Variants in CDK14 observed in about 807,000 individuals in gnomAD.
The protein encoded by CDK14 is cyclin-dependent kinase 14.
CDK14 carries 34 observed loss-of-function variants against 60.7 expected under a neutral mutation model. The observed-to-expected ratio is 0.56, with a 90% confidence interval of 0.43 to 0.75. CDK14 has a LOEUF of 0.75. Among genes scored for constraint, CDK14 ranks in the 30% least tolerant of loss-of-function variants. The probability of loss-of-function intolerance (pLI) is 0.00; values close to 1 mark genes in which losing one functional copy is unlikely to be tolerated. For missense variants in CDK14, 482 were observed against 564.1 expected (o/e 0.85, Z 1.47); for synonymous variants, 197 against 203.7 (o/e 0.97, Z 0.28).
At chr7:90,931,931 G>A (rs551976030) in intron 8 of CDK14, among the ~76,000 whole-genome samples, 2 of 150,758 alleles carry the variant, frequency 1.3e-5, no homozygotes, top group Non-Finnish European at 3.0e-5. Context: ...ACATGAATAC[G>A]TTTTTTTTTC....
chr7:91,210,317 T>G lies in CDK14; in HGVS notation c.*3181T>G, dbSNP rs1283527646. Reference sequence around the variant, plus strand: ...ACATTCTCTAGTTGGGAGTGGATTTTTAAAGTTTTCCTTTTATCTTTTATT... The same window carrying G: ...ACATTCTCTAGTTGGGAGTGGATTTGTAAAGTTTTCCTTTTATCTTTTATT... On this transcript the variant is annotated 3_prime_UTR_variant, in exon 15 of 15. Coordinates refer to ENST00000380050, the MANE Select transcript of CDK14 (RefSeq NM_001287135.2). The G allele has an allele frequency of 7.4e-6, 1 of 134,858 alleles. No homozygotes were observed. The highest frequency in any genetic ancestry group is 2.9e-5 in the African/African-American group (1 of 34,220). 8.4% of individuals were successfully genotyped at this position (134,858 alleles called of 1,614,324 possible). A position where few individuals can be genotyped will look rare whatever the true frequency, so the allele number is the denominator to read the frequency against.
intron 10 of CDK14, among the ~76,000 whole-genome samples, chr7:91,004,430 G>A (rs1463433857): frequency 1.3e-5 from 2 of 152,212 alleles, no homozygotes; most frequent in African/African-American, 2.4e-5. Context: ...ATTTGAGGAG[G>A]TACAAGTAAC....
chr7:90,608,100 G>C (rs17862243), intron 2 of CDK14, among the ~76,000 whole-genome samples: 3,969 of 152,162 alleles, frequency 0.026, 102 homozygotes, highest in Non-Finnish European at 0.036. Flanking sequence ...TGAGAGTTTT[G>C]GGTAAAGCAT....
chr7:91,046,542 G>A (rs937749290), intron 11 of CDK14, among the ~76,000 whole-genome samples: 1 of 151,982 alleles, frequency 6.6e-6, no homozygotes, highest in Non-Finnish European at 1.5e-5. Context: ...GTAGGTGTCA[G>A]GCGTGAAACT....
At chr7:90,854,215 A>G (rs1009897022) in intron 5 of CDK14, among the ~76,000 whole-genome samples, 2 of 152,194 alleles carry the variant, frequency 1.3e-5, no homozygotes, top group African/African-American at 2.4e-5. Context: ...GTTGATTTAA[A>G]TCTATTCAGA....
intron 11 of CDK14, among the ~76,000 whole-genome samples, chr7:91,054,545 G>C (rs1255507752): frequency 6.6e-6 from 1 of 152,224 alleles, no homozygotes. Context: ...AGGAAGGGCA[G>C]ACTGCACTTT....
chr7:91,168,286 G>C (rs1357590372), intron 14 of CDK14, among the ~76,000 whole-genome samples: 3 of 151,712 alleles, frequency 2.0e-5, no homozygotes, highest in Non-Finnish European at 4.4e-5. Context: ...AGATAATTGG[G>C]CCACTTTACA....
intron 8 of CDK14, among the ~76,000 whole-genome samples, chr7:90,930,218 G>T (rs1485910021): frequency 6.6e-6 from 1 of 151,394 alleles, no homozygotes; most frequent in South Asian, 2.1e-4. Flanking sequence ...AAATGAAGGA[G>T]TATTCTTGTA....
In CDK14 at chr7:90,600,026, A is replaced by G. The variant is rs538431149; in HGVS notation, c.91+3308A>G. ...AATACAGCTGAGCTGAGATTACTAT[A>G]TTATAAAACACATGGCTTTCAAGCC... is the stretch of plus-strand genomic sequence containing the variant. On this transcript the variant is annotated intron_variant, in intron 1 of 14. Coordinates refer to ENST00000380050, the MANE Select transcript of CDK14 (RefSeq NM_001287135.2). 1.1e-4 allele frequency among the ~76,000 whole-genome samples: 17 copies of G among 152,332 alleles called. No homozygotes were observed. In the South Asian group the frequency reaches 1.5e-3, roughly 13 times the overall value.
chr7:90,605,853 C>A (rs1476398961), intron 2 of CDK14, among the ~76,000 whole-genome samples: 1 of 152,132 alleles, frequency 6.6e-6, no homozygotes, highest in African/African-American at 2.4e-5. Context: ...TTAGGCATTT[C>A]GAAAACCTTT....
intron 2 of CDK14, among the ~76,000 whole-genome samples, chr7:90,702,559 G>A (rs1801806254): frequency 6.6e-6 from 1 of 151,982 alleles, no homozygotes; most frequent in Non-Finnish European, 1.5e-5. Context: ...CAATGCCACA[G>A]GAAAGTCAAT....
chr7:90,807,729 C>A (rs1788913900), intron 5 of CDK14, among the ~76,000 whole-genome samples: 1 of 152,178 alleles, frequency 6.6e-6, no homozygotes. Context: ...AAAACATAGA[C>A]AAATGGCTCA....
chr7:91,074,724 G>GA (rs1377358337), intron 11 of CDK14, among the ~76,000 whole-genome samples: 1 of 151,748 alleles, frequency 6.6e-6, no homozygotes, highest in Admixed American at 6.6e-5. Context: ...TGGTTTTTTT[G>GA]AAAAAATTAA....
intron 5 of CDK14, among the ~76,000 whole-genome samples, chr7:90,836,582 C>T (rs1344890877): frequency 6.6e-6 from 1 of 152,072 alleles, no homozygotes; most frequent in East Asian, 1.9e-4. Context: ...GGCTGTTTTA[C>T]AGTGATTTTT....
intron 2 of CDK14, among the ~76,000 whole-genome samples, chr7:90,675,793 G>T (rs994813558): frequency 6.6e-6 from 1 of 152,164 alleles, no homozygotes; most frequent in Admixed American, 6.5e-5. Flanking sequence ...ACCTTTCATG[G>T]CAACTAAAAT....
intron 14 of CDK14, among the ~76,000 whole-genome samples, chr7:91,147,962 C>A (rs1435709541): frequency 6.6e-6 from 1 of 152,162 alleles, no homozygotes; most frequent in Non-Finnish European, 1.5e-5. Context: ...ATATGTCTAT[C>A]CACACACATA....
At chr7:90,727,465 A>T (rs1802686278) in intron 3 of CDK14, among the ~76,000 whole-genome samples, 1 of 152,172 alleles carries the variant, frequency 6.6e-6, no homozygotes, top group Non-Finnish European at 1.5e-5. Context: ...ACACCAAGAG[A>T]GAATATTCTC....
At chr7:91,016,929 C>G (rs919356633) in intron 10 of CDK14, among the ~76,000 whole-genome samples, 4 of 152,118 alleles carry the variant, frequency 2.6e-5, no homozygotes, top group Admixed American at 2.6e-4. Flanking sequence ...TTCATTGGGC[C>G]TATTTTTCCT....
At chr7:90,693,456 T>A (rs929752353) in intron 2 of CDK14, among the ~76,000 whole-genome samples, 3 of 152,206 alleles carry the variant, frequency 2.0e-5, no homozygotes, top group African/African-American at 7.2e-5. Flanking sequence ...CTTGTGTCTT[T>A]ATAATGAATA....
Sources: gnomAD v4.1 joint callset for allele counts (sites outside exome capture counted in the v4.1 genomes callset) on GRCh38, gnomAD v4.1.1 for gene constraint, MANE v1.5 for transcripts, NCBI Gene and HGNC (gene_info 2026-07-23, HGNC 2026-07-21) for gene names.